Variants in ABCA8 observed in about 807,000 individuals in gnomAD.
ABCA8 encodes the protein ATP binding cassette subfamily A member 8.
In ABCA8, 177 loss-of-function variants were observed where a neutral mutation model predicts 192.3. That is an observed-to-expected ratio of 0.92 (90% confidence interval 0.81 to 1.04). ABCA8 has a LOEUF of 1.04. Among genes scored for constraint, ABCA8 ranks in the 50% least tolerant of loss-of-function variants. The pLI is 0.00. For missense variants in ABCA8, 1,915 were observed against 1,904.8 expected (o/e 1.01, Z -0.10); for synonymous variants, 642 against 690.2 (o/e 0.93, Z 1.09).
At chr17:68,940,664 A>G (rs1385586438) in intron 4 of ABCA8, 94 bp downstream of exon 4, 2 of 1,200,304 alleles carry the variant, frequency 1.7e-6, no homozygotes, top group Non-Finnish European at 2.4e-6. Flanking sequence ...AAGTTTAATT[A>G]TCAAACTGAA....
intron 26 of ABCA8, 132 bp from the exon 27 acceptor site, chr17:68,885,447 A>G: frequency 1.2e-6 from 1 of 835,218 alleles, no homozygotes; most frequent in Non-Finnish European, 1.8e-6. Context: ...GTATATCTCC[A>G]TTAACAGTTT....
intron 24 of ABCA8, among the ~76,000 whole-genome samples, chr17:68,888,009 GAT>G (rs769886417): frequency 2.8e-4 from 34 of 123,584 alleles, no homozygotes; most frequent in Non-Finnish European, 4.7e-4. Context: ...CATATATATG[GAT>G]ATATATATGG....
chr17:68,930,626 C>T (rs2067841192), intron 7 of ABCA8, among the ~76,000 whole-genome samples: 1 of 151,964 alleles, frequency 6.6e-6, no homozygotes, highest in South Asian at 2.1e-4. Context: ...TCCCAATAGC[C>T]CTATTCAGAA....
chr17:68,917,221 AGAT>A (rs1399734057), intron 17 of ABCA8, 137 bp downstream of exon 17: 42 of 522,762 alleles, frequency 8.0e-5, no homozygotes, highest in Admixed American at 1.3e-4. Context: ...CAGTGAGCCG[AGAT>A]GATCGATACT....
At chr17:68,875,229 G>A in intron 37 of ABCA8, 31 bp downstream of exon 37, 1 of 1,611,800 alleles carries the variant, frequency 6.2e-7, no homozygotes, top group Non-Finnish European at 8.5e-7. Flanking sequence ...TGAACATTTG[G>A]TACCATTTCC....
chr17:68,903,973 A>G (rs562270441), intron 19 of ABCA8, among the ~76,000 whole-genome samples: 2 of 152,280 alleles, frequency 1.3e-5, no homozygotes, highest in African/African-American at 4.8e-5. Context: ...ATCTCTGGAT[A>G]CCCAGGATGC....
At chr17:68,875,817 T>A (rs2143238716) in intron 35 of ABCA8, 84 bp from the exon 36 acceptor site, 1 of 1,454,824 alleles carries the variant, frequency 6.9e-7, no homozygotes, top group Non-Finnish European at 9.3e-7. Flanking sequence ...TTAACTGGCA[T>A]GCGTGTGAAT....
chr17:68,874,508 G>T (rs1366456139), intron 37 of ABCA8, among the ~76,000 whole-genome samples: 1 of 152,162 alleles, frequency 6.6e-6, no homozygotes, highest in Non-Finnish European at 1.5e-5. Context: ...TATTTATGGT[G>T]CAGTCATTCT....
At chr17:68,923,133 A>G (rs886858835) in intron 11 of ABCA8, among the ~76,000 whole-genome samples, 1 of 152,088 alleles carries the variant, frequency 6.6e-6, no homozygotes, top group Admixed American at 6.6e-5. Flanking sequence ...TTCTTATTTT[A>G]TCATCTACTA....
chr17:68,904,415 AT>A (rs1471328959), intron 19 of ABCA8, among the ~76,000 whole-genome samples: 1 of 151,968 alleles, frequency 6.6e-6, no homozygotes, highest in Non-Finnish European at 1.5e-5. Context: ...AATATTAGTT[AT>A]TTTTAATCCA....
At chr17:68,938,894 C>G (rs1447315720) in intron 4 of ABCA8, among the ~76,000 whole-genome samples, 1 of 152,108 alleles carries the variant, frequency 6.6e-6, no homozygotes, top group Non-Finnish European at 1.5e-5. Context: ...TAATCCAAAA[C>G]AGAATAACTA....
chr17:68,885,167 G>C, intron 27 of ABCA8, 29 bp downstream of exon 27: 1 of 1,598,322 alleles, frequency 6.3e-7, no homozygotes. Flanking sequence ...GAGTTTCAAG[G>C]GACTGGGACA....
rs2065965359 is a variant in ABCA8 at position 68,868,275 on chromosome 17, GAT to G, written c.4767+24_4767+25del. On this transcript the variant is annotated intron_variant, in intron 39 of 39. Coordinates refer to ENST00000586539, the MANE Select transcript of ABCA8 (RefSeq NM_001288985.2). ...TGTTTTATACACATATACCATGGAT[GAT>G]ACGAATCCCTAAAAATGACCCACCT... is the stretch of plus-strand genomic sequence containing the variant. 3.1e-6 allele frequency: 5 copies of G among 1,610,986 alleles called. No homozygotes were observed. The Middle Eastern group carries it at 6.6e-4, about 213-fold the overall frequency.
chr17:68,952,960 G>A (rs552443158), intron 1 of ABCA8, among the ~76,000 whole-genome samples: 1 of 152,120 alleles, frequency 6.6e-6, no homozygotes, highest in Admixed American at 6.5e-5. Flanking sequence ...TATTGCAGCA[G>A]GCACATAAAA....
chr17:68,946,561 C>T (rs531130657), intron 2 of ABCA8, among the ~76,000 whole-genome samples: 19 of 152,264 alleles, frequency 1.2e-4, no homozygotes, highest in African/African-American at 4.6e-4. Context: ...CCTTAGAAGA[C>T]AGCCGGCCAA....
intron 19 of ABCA8, among the ~76,000 whole-genome samples, chr17:68,903,884 A>G (rs1157969250): frequency 6.6e-6 from 1 of 152,176 alleles, no homozygotes; most frequent in Admixed American, 6.5e-5. Context: ...AGTTAGCTAT[A>G]AATTGTTACT....
chr17:68,932,434 T>A lies in ABCA8; in HGVS notation c.651A>T (p.Gln217His). Residue 217 changes from glutamine (Q) to histidine (H), a missense_variant, in exon 7 of 40, where the codon CAA (glutamine) becomes CAT (histidine). Coordinates refer to ENST00000586539, the MANE Select transcript of ABCA8 (RefSeq NM_001288985.2). ...KNMKMHSFIG[Q>H]SGVITDLYLF... ...GGTACAAATCAGTTATAACTCCTGA[T>A]TGACCAATGAAGGAATGCATCTTCA... is the stretch of plus-strand genomic sequence containing the variant. The A allele has an allele frequency of 6.2e-7, 1 of 1,614,080 alleles. No homozygotes were observed. Among genetic ancestry groups the A allele is most frequent in the African/African-American group, 1.3e-5 (1 of 75,042 alleles).
chr17:68,874,040 G>C (rs2066137761), intron 37 of ABCA8, among the ~76,000 whole-genome samples: 1 of 152,176 alleles, frequency 6.6e-6, no homozygotes, highest in East Asian at 1.9e-4. Context: ...TCAAAAGGAA[G>C]CAGTTCACAA....
intron 3 of ABCA8, 96 bp downstream of exon 3, chr17:68,941,843 G>T: frequency 1.3e-6 from 1 of 766,190 alleles, no homozygotes. Flanking sequence ...TGTTTTTGGT[G>T]TATGTGTCGG....
Sources: allele counts gnomAD v4.1 joint callset (sites outside exome capture counted in the v4.1 genomes callset), GRCh38; gene constraint gnomAD v4.1.1; transcripts MANE v1.5; gene names NCBI Gene and HGNC (gene_info 2026-07-23, HGNC 2026-07-21).